Variants in ART4 observed in about 807,000 individuals in gnomAD.
ART4 encodes ecto-ADP-ribosyltransferase 4.
Under a neutral mutation model 24.2 loss-of-function variants are expected in ART4, and 14 were observed. That is an observed-to-expected ratio of 0.58 (90% CI 0.38 to 0.90). The LOEUF (loss-of-function observed/expected upper bound fraction) is 0.90. Ranked by LOEUF, ART4 falls within the 40% of genes least tolerant of loss-of-function variation. The pLI is 0.00. For missense variants in ART4, 356 were observed against 366.6 expected (o/e 0.97, Z 0.24); for synonymous variants, 145 against 139.9 (o/e 1.04, Z -0.26).
Position 14,841,027 on chromosome 12 carries a change from T to C in ART4, c.271A>G (p.Lys91Glu), listed in dbSNP as rs1407413524. The stretch of plus-strand genomic sequence containing the variant: ...TTTTGCCACATCCTAAAATAATTCT[T>C]CTGGGCTTCTATGTCTTTTGTGAAA... ...DYFTKDIEAQ[K>E]NYFRMWQKAH... is the part of the protein sequence containing the mutation. The change falls in exon 2 of 3, where the codon AAG (lysine) becomes GAG (glutamate). Residue 91 changes from lysine to glutamate, a missense_variant. By Grantham distance (56) the Lys-to-Glu change is moderately conservative. Transcript: ENST00000228936. The C allele has an allele frequency of 4.3e-6, 7 of 1,614,240 alleles. No individual in the cohort carries two copies. Among genetic ancestry groups the C allele is most frequent in the Non-Finnish European group, 5.9e-6 (7 of 1,180,048 alleles).
intron 1 of ART4, chr12:14,841,369 T>C (rs541536038): frequency 7.4e-5 from 35 of 475,920 alleles, no homozygotes; most frequent in African/African-American, 6.8e-4. Flanking sequence ...ACTGAAAGCT[T>C]GAAAAACTCA....
rs761909320 is a variant in ART4 at position 14,830,536 on chromosome 12, A to AAT, written c.854-1075_854-1074insAT. The stretch of plus-strand genomic sequence containing the variant: ...TAGTTTTTTGGAATTTCTATATAGG[A>AAT]GTGTGTGTGTGTGTGTGTGTGTGTG... On this transcript the variant is annotated intron_variant, in intron 2 of 2. Transcript: ENST00000228936. Among the ~76,000 whole-genome samples, 163 of 124,202 alleles carry AAT rather than the reference A, an allele frequency of 1.3e-3. 3 individuals are homozygous for AAT. The highest frequency in any genetic ancestry group is 3.9e-3 in the African/African-American group (130 of 33,488). 81.5% of individuals were successfully genotyped at this position (124,202 alleles called of 152,430 possible).
At chr12:14,841,742 T>G (rs1565431659) in intron 1 of ART4, among the ~76,000 whole-genome samples, 1 of 152,198 alleles carries the variant, frequency 6.6e-6, no homozygotes, top group Non-Finnish European at 1.5e-5. Context: ...GCAGTCACAT[T>G]GTTAGGTCTG....
At chr12:14,835,681 C>T (rs571022096) in intron 2 of ART4, among the ~76,000 whole-genome samples, 176 of 151,870 alleles carry the variant, frequency 1.2e-3, no homozygotes, top group African/African-American at 4.1e-3. Flanking sequence ...TCTTGGCTCA[C>T]TGCCACCTCT....
chr12:14,830,660 TA>T (rs2137297657), intron 2 of ART4, among the ~76,000 whole-genome samples: 1 of 71,854 alleles, frequency 1.4e-5, no homozygotes, highest in East Asian at 4.1e-4. Context: ...TATATATATA[TA>T]TATATATATA....
At chr12:14,834,945 A>C (rs1384261864) in intron 2 of ART4, among the ~76,000 whole-genome samples, 3 of 152,252 alleles carry the variant, frequency 2.0e-5, no homozygotes, top group Non-Finnish European at 4.4e-5. Context: ...AACTTGAGTT[A>C]CATGCTAACA....
chr12:14,830,697 A>G (rs1211529386), intron 2 of ART4, among the ~76,000 whole-genome samples: 1 of 99,644 alleles, frequency 1.0e-5, no homozygotes, highest in African/African-American at 4.0e-5. Context: ...ATATATATAT[A>G]TACAGTAATT....
chr12:14,841,724 A>G (rs1382680676), intron 1 of ART4, among the ~76,000 whole-genome samples: 1 of 152,224 alleles, frequency 6.6e-6, no homozygotes, highest in Non-Finnish European at 1.5e-5. Context: ...GAAAAAGGGC[A>G]CGCTACAGCA....
chr12:14,842,953 C>G lies in ART4; in HGVS notation c.144+17G>C. On this transcript the variant is annotated intron_variant, in intron 1 of 2. Coordinates refer to ENST00000228936, the MANE Select transcript of ART4 (RefSeq NM_021071.4). ...GCACTGATCATAAAGAGATCACCCCCTCAATTGTCCCCCTACCTCAGAACC... is the reference window on the plus strand; with the variant it reads ...GCACTGATCATAAAGAGATCACCCCGTCAATTGTCCCCCTACCTCAGAACC... 2 of 1,604,686 alleles carry G rather than the reference C, an allele frequency of 1.2e-6. No homozygotes were observed. The highest frequency in any genetic ancestry group is 1.7e-6 in the Non-Finnish European group (2 of 1,175,576).
intron 2 of ART4, among the ~76,000 whole-genome samples, chr12:14,833,297 A>G (rs1950408522): frequency 6.6e-6 from 1 of 152,206 alleles, no homozygotes; most frequent in East Asian, 1.9e-4. Context: ...TATAATGTAA[A>G]CAGTCATAGT....
Position 14,826,722 on chromosome 12 carries a change from A to C in ART4, c.*2649T>G, listed in dbSNP as rs1169338316. ...TCTGCTCCCTGACCTTATGCTGTAC[A>C]TACATCGATCATTCCGTATTCGCTT... On this transcript the variant is annotated 3_prime_UTR_variant, in exon 3 of 3. Coordinates refer to ENST00000228936, the MANE Select transcript of ART4 (RefSeq NM_021071.4). The C allele has an allele frequency of 6.6e-6, 1 of 152,164 alleles. No individual in the cohort carries two copies. Among genetic ancestry groups the C allele is most frequent in the African/African-American group, 2.4e-5 (1 of 41,424 alleles). 9.4% of individuals were successfully genotyped at this position (152,164 alleles called of 1,614,324 possible). A position where few individuals can be genotyped will look rare whatever the true frequency, so the allele number is the denominator to read the frequency against.
At chr12:14,834,433 T>G (rs987401025) in intron 2 of ART4, among the ~76,000 whole-genome samples, 6 of 152,232 alleles carry the variant, frequency 3.9e-5, no homozygotes, top group Non-Finnish European at 4.4e-5. Context: ...TCAGATACTA[T>G]TCTAAGAGAT....
intron 2 of ART4, among the ~76,000 whole-genome samples, chr12:14,838,634 G>A (rs1416169348): frequency 6.6e-6 from 1 of 152,146 alleles, no homozygotes; most frequent in African/African-American, 2.4e-5. Flanking sequence ...GACATGTGAG[G>A]AGATGAAAGT....
At chr12:14,832,243 C>T (rs1950401620) in intron 2 of ART4, among the ~76,000 whole-genome samples, 1 of 152,186 alleles carries the variant, frequency 6.6e-6, no homozygotes, top group African/African-American at 2.4e-5. Flanking sequence ...CTTCTGTCTT[C>T]GCTTTCTATT....
Position 14,840,812 on chromosome 12 carries a change from G to T in ART4, c.486C>A (p.Tyr162Ter), listed in dbSNP as rs1483502152. ...TCAGCAGCTGGATTGCTGAGGTGAG[G>T]TAGTAGTGTAAATATTTGAAGTGGA... ...RSFHFKYLHY[Y>*]LTSAIQLLRK... is the part of the protein sequence containing the mutation. Residue 162 changes from tyrosine (Y) to a stop codon, truncating the protein, a stop_gained, in exon 2 of 3, where the codon TAC (tyrosine) becomes TAA (stop). Coordinates refer to ENST00000228936, the MANE Select transcript of ART4 (RefSeq NM_021071.4). LOFTEE classifies it high-confidence loss of function. The T allele has an allele frequency of 6.2e-7, 1 of 1,614,108 alleles. No homozygotes were observed. Among genetic ancestry groups the T allele is most frequent in the South Asian group, 1.1e-5 (1 of 91,086 alleles).
At chr12:14,830,901 A>C (rs964494289) in intron 2 of ART4, among the ~76,000 whole-genome samples, 4 of 151,544 alleles carry the variant, frequency 2.6e-5, no homozygotes, top group African/African-American at 9.7e-5. Context: ...GGAAGCCTTA[A>C]TACCACTTTA....
chr12:14,830,003 A>G (rs1950383587), intron 2 of ART4, among the ~76,000 whole-genome samples: 1 of 152,108 alleles, frequency 6.6e-6, no homozygotes, highest in African/African-American at 2.4e-5. Context: ...AAACTTGGCC[A>G]GTTTGTCTCA....
chr12:14,828,541 G>A lies in ART4; in HGVS notation c.*830C>T, dbSNP rs971683947. ...CCTTGGTTAATCTCTGGGGTTCAAA[G>A]CTTTTCTGTTTGGTGAAGAATTTGT... On this transcript the variant is annotated 3_prime_UTR_variant, in exon 3 of 3. Coordinates refer to ENST00000228936, the MANE Select transcript of ART4 (RefSeq NM_021071.4). The A allele has an allele frequency of 2.0e-5, 3 of 151,892 alleles. No individual in the cohort carries two copies. Among genetic ancestry groups the A allele is most frequent in the African/African-American group, 7.3e-5 (3 of 41,328 alleles). 9.4% of individuals were successfully genotyped at this position (151,892 alleles called of 1,614,324 possible).
rs1194627383 is a variant in ART4 at position 14,827,868 on chromosome 12, T to C, written c.*1503A>G. ...ATTCCCCATTCCATTTCTTTGATCA[T>C]GACACAGGCCATTCAGGAAGTCCTA... On this transcript the variant is annotated 3_prime_UTR_variant, in exon 3 of 3. Transcript: ENST00000228936. The C allele has an allele frequency of 1.3e-5, 2 of 152,212 alleles. No individual in the cohort carries two copies. The highest frequency in any genetic ancestry group is 1.5e-5 in the Non-Finnish European group (1 of 68,056). The allele number at this position is 152,212 out of a possible 1,614,324, so 9.4% of individuals were successfully genotyped here.
Sources: allele counts gnomAD v4.1 joint callset (sites outside exome capture counted in the v4.1 genomes callset), GRCh38; gene constraint gnomAD v4.1.1; transcripts MANE v1.5; gene names NCBI Gene and HGNC (gene_info 2026-07-23, HGNC 2026-07-21).